The following TTLL5 variants were observed in gnomAD, a reference collection of about 807,000 sequenced individuals.
The protein encoded by TTLL5 is tubulin tyrosine ligase like 5, also known as tubulin polyglutamylase TTLL5.
Under a neutral mutation model 168.4 loss-of-function variants are expected in TTLL5, and 132 were observed. That is an observed-to-expected ratio of 0.78 (90% CI 0.68 to 0.91). The LOEUF is 0.91. Ranked by LOEUF, TTLL5 falls within the 40% of genes least tolerant of loss-of-function variation. The probability of loss-of-function intolerance (pLI) is 0.00; values close to 1 mark genes in which losing one functional copy is unlikely to be tolerated. For synonymous variants in TTLL5, 546 were observed against 558.6 expected, an observed-to-expected ratio of 0.98 and a Z score of 0.32; for missense variants, 1,545 against 1,581.5, an observed-to-expected ratio of 0.98 and a Z score of 0.39.
At chr14:75,825,902 CAA>C (rs1320858196) in intron 28 of TTLL5, among the ~76,000 whole-genome samples, 1 of 152,104 alleles carries the variant, frequency 6.6e-6, no homozygotes, top group Non-Finnish European at 1.5e-5. Context: ...CGTAACCTCT[CAA>C]GAGTTATACG....
At chr14:75,706,761 T>C (rs1023168718) in intron 7 of TTLL5, among the ~76,000 whole-genome samples, 1 of 151,784 alleles carries the variant, frequency 6.6e-6, no homozygotes, top group African/African-American at 2.4e-5. Context: ...TTTATTTATT[T>C]ATTTATTTAT....
intron 26 of TTLL5, among the ~76,000 whole-genome samples, chr14:75,785,419 C>T (rs1052403774): frequency 2.6e-5 from 4 of 152,104 alleles, no homozygotes; most frequent in African/African-American, 9.7e-5. Flanking sequence ...ACCTTGTGAT[C>T]CACCCACCTT....
chr14:75,846,249 C>G (rs1390606176), intron 28 of TTLL5, among the ~76,000 whole-genome samples: 2 of 152,052 alleles, frequency 1.3e-5, no homozygotes. Flanking sequence ...GCAGGTCAGG[C>G]AAGTAAGAAT....
At chr14:75,741,107 C>T (rs145979086) in intron 15 of TTLL5, among the ~76,000 whole-genome samples, 2 of 152,248 alleles carry the variant, frequency 1.3e-5, no homozygotes, top group East Asian at 3.9e-4. Context: ...TTCCTTGTCT[C>T]AATAATTTCA....
chr14:75,930,514 A>G, intron 31 of TTLL5: 9 of 830,144 alleles, frequency 1.1e-5, no homozygotes, highest in Non-Finnish European at 1.3e-5. Flanking sequence ...ATCAAAATCT[A>G]AAACACTTCT....
At chr14:75,767,418 A>C (rs962475495) in intron 20 of TTLL5, among the ~76,000 whole-genome samples, 3 of 152,208 alleles carry the variant, frequency 2.0e-5, no homozygotes, top group Non-Finnish European at 4.4e-5. Context: ...AATTGGGCAG[A>C]GTTACTTAAT....
At chr14:75,896,539 T>C (rs2032670057) in intron 30 of TTLL5, among the ~76,000 whole-genome samples, 1 of 152,154 alleles carries the variant, frequency 6.6e-6, no homozygotes, top group Non-Finnish European at 1.5e-5. Flanking sequence ...AGGTCATCTC[T>C]GATGTGGTGG....
chr14:75,945,824 A>T (rs1206573469), intron 31 of TTLL5, among the ~76,000 whole-genome samples: 2 of 152,198 alleles, frequency 1.3e-5, no homozygotes, highest in African/African-American at 4.8e-5. Context: ...TTAGAGCACT[A>T]AGGTCAAAAG....
intron 12 of TTLL5, among the ~76,000 whole-genome samples, chr14:75,729,403 C>T (rs1031657266): frequency 6.6e-6 from 1 of 151,240 alleles, no homozygotes; most frequent in Non-Finnish European, 1.5e-5. Context: ...TACTCTTTAC[C>T]TTTTAAAATC....
chr14:75,766,006 G>A (rs1890955095), intron 19 of TTLL5, 56 bp from the exon 20 acceptor site: 1 of 1,492,132 alleles, frequency 6.7e-7, no homozygotes, highest in Non-Finnish European at 9.1e-7. Context: ...GAAGGTATTG[G>A]GAGAGAGGAA....
At chr14:75,743,572 G>A (rs1412454706) in intron 15 of TTLL5, among the ~76,000 whole-genome samples, 5 of 115,076 alleles carry the variant, frequency 4.3e-5, no homozygotes, top group Middle Eastern at 5.1e-3. Flanking sequence ...CTCTGGCATC[G>A]CTCTTTTTTT....
intron 7 of TTLL5, 84 bp downstream of exon 7, chr14:75,699,354 A>G (rs769063996): frequency 3.6e-5 from 44 of 1,214,194 alleles, no homozygotes; most frequent in Non-Finnish European, 5.2e-5. Flanking sequence ...ATATAGTTCC[A>G]TTTCATTAAG....
chr14:75,933,385 C>T (rs561328271), intron 31 of TTLL5, among the ~76,000 whole-genome samples: 3 of 152,308 alleles, frequency 2.0e-5, no homozygotes, highest in African/African-American at 4.8e-5. Context: ...ATTGCTTGAA[C>T]CCTGGAGGTC....
intron 31 of TTLL5, among the ~76,000 whole-genome samples, chr14:75,907,855 G>A (rs1198318585): frequency 1.3e-5 from 2 of 152,236 alleles, no homozygotes; most frequent in Non-Finnish European, 2.9e-5. Flanking sequence ...TTAGGAGACT[G>A]GCAGCCAGAA....
At chr14:75,810,690 C>A (rs1893941053) in intron 27 of TTLL5, among the ~76,000 whole-genome samples, 1 of 152,188 alleles carries the variant, frequency 6.6e-6, no homozygotes, top group Non-Finnish European at 1.5e-5. Flanking sequence ...GCTTAATTTT[C>A]TTCTCCATTT....
At chr14:75,914,619 G>GTTTT (rs10571332) in intron 31 of TTLL5, among the ~76,000 whole-genome samples, 5 of 96,066 alleles carry the variant, frequency 5.2e-5, no homozygotes, top group Non-Finnish European at 8.1e-5. Context: ...CACTACTCTT[G>GTTTT]TTTTTTTTTT....
chr14:75,859,219 A>G (rs1897287898), intron 28 of TTLL5, among the ~76,000 whole-genome samples: 1 of 152,190 alleles, frequency 6.6e-6, no homozygotes, highest in Admixed American at 6.5e-5. Flanking sequence ...ACCAGTATCC[A>G]TTTGATGGAA....
intron 26 of TTLL5, among the ~76,000 whole-genome samples, chr14:75,784,670 G>A (rs1355383258): frequency 6.6e-6 from 1 of 152,170 alleles, no homozygotes; most frequent in African/African-American, 2.4e-5. Context: ...CTTCTAAACT[G>A]TTTTCCAAAG....
intron 2 of TTLL5, among the ~76,000 whole-genome samples, chr14:75,668,125 C>G (rs1883433420): frequency 6.6e-6 from 1 of 152,002 alleles, no homozygotes; most frequent in African/African-American, 2.4e-5. Flanking sequence ...GTGGTATGAC[C>G]TTTGTTAAGG....
Sources: allele counts gnomAD v4.1 joint callset (sites outside exome capture counted in the v4.1 genomes callset), GRCh38; gene constraint gnomAD v4.1.1; transcripts MANE v1.5; gene names NCBI Gene and HGNC (gene_info 2026-07-23, HGNC 2026-07-21).